CFAP299: variants seen among roughly 807,000 people sequenced by gnomAD.
The protein encoded by CFAP299 is cilia- and flagella-associated protein 299.
A neutral mutation model predicts 27.0 loss-of-function variants in CFAP299; 21 were observed. The observed-to-expected ratio is 0.78, with a 90% CI of 0.55 to 1.12. The LOEUF is 1.12. Ranked by LOEUF, CFAP299 falls within the 50% of genes most tolerant of loss-of-function variation. The pLI, the probability that CFAP299 is intolerant of heterozygous loss-of-function variation, is 0.00. For synonymous variants in CFAP299, 104 were observed against 98.1 expected (o/e 1.06, Z -0.36); for missense variants, 310 against 276.6 (o/e 1.12, Z -0.86).
intron 3 of CFAP299, among the ~76,000 whole-genome samples, chr4:80,593,886 T>C (rs1736915836): frequency 6.6e-6 from 1 of 152,200 alleles, no homozygotes; most frequent in Admixed American, 6.5e-5. Flanking sequence ...TGATAGGTCA[T>C]GTTTTCATTT....
chr4:80,521,607 G>A (rs1204319671), intron 2 of CFAP299, among the ~76,000 whole-genome samples: 1 of 151,826 alleles, frequency 6.6e-6, no homozygotes, highest in Non-Finnish European at 1.5e-5. Context: ...ATTGACAACA[G>A]CTCACCACTT....
chr4:80,389,801 T>G (rs1204073923), intron 2 of CFAP299, among the ~76,000 whole-genome samples: 1 of 152,154 alleles, frequency 6.6e-6, no homozygotes, highest in Admixed American at 6.5e-5. Context: ...GCATTTACTA[T>G]TTACTTCTTT....
intron 3 of CFAP299, among the ~76,000 whole-genome samples, chr4:80,868,336 G>A (rs894509486): frequency 1.3e-5 from 2 of 152,094 alleles, no homozygotes; most frequent in Non-Finnish European, 2.9e-5. Flanking sequence ...TCTGATGTTA[G>A]TCAAATCCCT....
At chr4:80,458,918 A>G (rs1224551059) in intron 2 of CFAP299, among the ~76,000 whole-genome samples, 1 of 152,130 alleles carries the variant, frequency 6.6e-6, no homozygotes, top group Non-Finnish European at 1.5e-5. Flanking sequence ...CCAGGCAGCA[A>G]GCCTGGTTGA....
intron 3 of CFAP299, among the ~76,000 whole-genome samples, chr4:80,684,655 G>C (rs1421486191): frequency 1.3e-5 from 2 of 151,898 alleles, no homozygotes; most frequent in East Asian, 3.9e-4. Context: ...ATCTAAACTA[G>C]ACCTCATCTG....
intron 2 of CFAP299, among the ~76,000 whole-genome samples, chr4:80,495,033 G>A (rs1473885915): frequency 6.6e-6 from 1 of 152,144 alleles, no homozygotes; most frequent in Non-Finnish European, 1.5e-5. Flanking sequence ...CATAGCCTAA[G>A]AAAGATATAT....
intron 3 of CFAP299, among the ~76,000 whole-genome samples, chr4:80,651,228 A>G (rs1313425130): frequency 6.6e-6 from 1 of 151,382 alleles, no homozygotes. Flanking sequence ...CAGTGACCCA[A>G]ATCTAAGAAT....
chr4:80,888,338 A>G (rs557968659), intron 4 of CFAP299, among the ~76,000 whole-genome samples: 2 of 152,304 alleles, frequency 1.3e-5, no homozygotes, highest in East Asian at 3.9e-4. Context: ...AGGAGTAGTT[A>G]TACTTATGTT....
chr4:80,869,904 T>C lies in CFAP299; in HGVS notation c.334-89T>C, dbSNP rs1030351930. 3 of 1,227,526 alleles carry C rather than the reference T, an allele frequency of 2.4e-6. No homozygotes were observed. In the African/African-American group the frequency reaches 4.6e-5, roughly 19 times the overall value. 76.0% of individuals were successfully genotyped at this position (1,227,526 alleles called of 1,614,324 possible). Reference sequence around the variant, plus strand: ...GCCCTGCTTCCTATGGTCACTCATATTAGTGTTTTACATCATTCTATCCTA... The same window carrying C: ...GCCCTGCTTCCTATGGTCACTCATACTAGTGTTTTACATCATTCTATCCTA... On this transcript the variant is annotated intron_variant, in intron 3 of 5. Transcript: ENST00000358105.
At chr4:80,765,505 A>T (rs999895710) in intron 3 of CFAP299, among the ~76,000 whole-genome samples, 5 of 152,168 alleles carry the variant, frequency 3.3e-5, no homozygotes, top group Non-Finnish European at 7.4e-5. Context: ...AGTTTCAAAA[A>T]CTTAACAAAA....
chr4:80,334,996 G>T (rs911268466), upstream of CFAP299, among the ~76,000 whole-genome samples: 26 of 152,174 alleles, frequency 1.7e-4, no homozygotes, highest in African/African-American at 6.3e-4. Context: ...AACATATTTT[G>T]CCAGCTGTTG....
intron 3 of CFAP299, among the ~76,000 whole-genome samples, chr4:80,763,223 A>G (rs1725640143): frequency 6.6e-6 from 1 of 152,166 alleles, no homozygotes; most frequent in East Asian, 1.9e-4. Flanking sequence ...TCAGCCCAAA[A>G]TCTCCTTAAG....
intron 2 of CFAP299, among the ~76,000 whole-genome samples, chr4:80,430,736 A>G (rs1174281158): frequency 6.6e-6 from 1 of 152,138 alleles, no homozygotes; most frequent in East Asian, 1.9e-4. Flanking sequence ...GCAGGTTTCC[A>G]TTCAGTACAT....
At position 80,800,356 on chromosome 4, in the gene CFAP299, G is replaced by GATATATTAATATAATATATATAATATATA. The variant is rs1193860470; in HGVS notation, c.334-69615_334-69587dup. On this transcript the variant is annotated intron_variant, in intron 3 of 5. Transcript: ENST00000358105. The stretch of plus-strand genomic sequence containing the variant: ...AATATATATAATATATAATATATAT[G>GATATATTAATATAATATATATAATATATA]ATATATTAATATAATATATATAATA... Among the ~76,000 whole-genome samples, 46 of 51,102 alleles carry GATATATTAATATAATATATATAATATATA rather than the reference G, an allele frequency of 9.0e-4. 2 individuals carry two copies. The highest frequency in any genetic ancestry group is 3.8e-3 in the African/African-American group (42 of 11,028). The allele number at this position is 51,102 out of a possible 152,430, so 33.5% of individuals were successfully genotyped here.
chr4:80,326,256 C>T, the CFAP299 span, among the ~76,000 whole-genome samples: 11 of 151,824 alleles, frequency 7.2e-5, no homozygotes, highest in African/African-American at 2.2e-4. Flanking sequence ...GTGTGCATTG[C>T]GTGTGTGTGT....
intron 2 of CFAP299, among the ~76,000 whole-genome samples, chr4:80,443,267 T>G (rs1262594340): frequency 6.6e-6 from 1 of 152,116 alleles, no homozygotes; most frequent in South Asian, 2.1e-4. Flanking sequence ...TGAGCATCAA[T>G]GCAAAAATCT....
At chr4:80,619,982 TC>T (rs1470585480) in intron 3 of CFAP299, among the ~76,000 whole-genome samples, 1 of 152,078 alleles carries the variant, frequency 6.6e-6, no homozygotes, top group Non-Finnish European at 1.5e-5. Flanking sequence ...AAAAATACCA[TC>T]AATAATCATA....
chr4:80,383,646 T>TA (rs1724822078), intron 2 of CFAP299, among the ~76,000 whole-genome samples: 1 of 152,244 alleles, frequency 6.6e-6, no homozygotes, highest in African/African-American at 2.4e-5. Context: ...ATTATCACAA[T>TA]AGTCTTGGAT....
intron 3 of CFAP299, among the ~76,000 whole-genome samples, chr4:80,649,970 A>C (rs952701732): frequency 2.0e-5 from 3 of 151,940 alleles, no homozygotes; most frequent in African/African-American, 7.2e-5. Flanking sequence ...AAGGAGTACC[A>C]TTTTATTTTA....
Sources: allele counts gnomAD v4.1 joint callset (sites outside exome capture counted in the v4.1 genomes callset), GRCh38; gene constraint gnomAD v4.1.1; transcripts MANE v1.5; gene names NCBI Gene and HGNC (gene_info 2026-07-23, HGNC 2026-07-21).